The following ARL6IP6 variants were observed in gnomAD, a reference collection of about 807,000 sequenced individuals.
ARL6IP6 encodes ARF like GTPase 6 interacting protein 6, also known as ADP-ribosylation factor-like protein 6-interacting protein 6.
A neutral mutation model predicts 21.5 loss-of-function variants in ARL6IP6; 22 were observed. The ratio of observed to expected loss-of-function variants is 1.02; its 90% CI spans 0.73 to 1.46. The LOEUF (loss-of-function observed/expected upper bound fraction) is 1.46. Ranked by LOEUF, ARL6IP6 falls within the 40% of genes most tolerant of loss-of-function variation. The pLI is 0.00. For synonymous variants in ARL6IP6, 164 were observed against 125.3 expected, an observed-to-expected ratio of 1.31 and a Z score of -2.06; for missense variants, 388 against 299.8, an observed-to-expected ratio of 1.29 and a Z score of -2.17.
chr2:152,740,577 G>A (rs1293845830), intron 3 of ARL6IP6, among the ~76,000 whole-genome samples: 2 of 151,762 alleles, frequency 1.3e-5, no homozygotes, highest in South Asian at 2.1e-4. Context: ...AAATTTAGAT[G>A]TGTATATATA....
chr2:152,729,177 C>G (rs1574025669), intron 2 of ARL6IP6, among the ~76,000 whole-genome samples: 1 of 152,274 alleles, frequency 6.6e-6, no homozygotes, highest in South Asian at 2.1e-4. Flanking sequence ...CAAGACCAGC[C>G]TAGTCAAGAT....
upstream of ARL6IP6, chr2:152,718,007 G>A: frequency 1.0e-6 from 1 of 994,146 alleles, no homozygotes; most frequent in Non-Finnish European, 1.2e-6. Flanking sequence ...TGGAGAGCGC[G>A]CGCCTGGGGA....
At chr2:152,750,230 C>T (rs1701262468) in intron 3 of ARL6IP6, among the ~76,000 whole-genome samples, 1 of 152,098 alleles carries the variant, frequency 6.6e-6, no homozygotes, top group Admixed American at 6.5e-5. Context: ...TGTATCCCAG[C>T]ACTTTGGGAG....
intron 1 of ARL6IP6, 23 bp downstream of exon 1, chr2:152,719,047 A>C: frequency 1.3e-6 from 2 of 1,510,994 alleles, no homozygotes; most frequent in South Asian, 2.6e-5. Context: ...ACGCCTTGAA[A>C]GTCTGTCCAG....
At chr2:152,744,011 A>G (rs142275150) in intron 3 of ARL6IP6, among the ~76,000 whole-genome samples, 1 of 152,268 alleles carries the variant, frequency 6.6e-6, no homozygotes, top group Non-Finnish European at 1.5e-5. Flanking sequence ...TCTTATCCTG[A>G]ATCTTACAAG....
chr2:152,732,962 G>C (rs1018934357), intron 2 of ARL6IP6, among the ~76,000 whole-genome samples: 1 of 150,910 alleles, frequency 6.6e-6, no homozygotes, highest in Non-Finnish European at 1.5e-5. Context: ...GGATAGGAAG[G>C]GCTGACTGTA....
chr2:152,744,431 T>C (rs911677060), intron 3 of ARL6IP6, among the ~76,000 whole-genome samples: 1 of 152,150 alleles, frequency 6.6e-6, no homozygotes, highest in South Asian at 2.1e-4. Flanking sequence ...ATCTTCTCTT[T>C]AGATATATTA....
At chr2:152,725,319 A>G (rs1441882980) in intron 2 of ARL6IP6, among the ~76,000 whole-genome samples, 1 of 152,202 alleles carries the variant, frequency 6.6e-6, no homozygotes, top group Non-Finnish European at 1.5e-5. Context: ...TATGGTCGAA[A>G]GAATAAAATA....
At chr2:152,733,642 C>T (rs559620748) in intron 2 of ARL6IP6, among the ~76,000 whole-genome samples, 2 of 152,150 alleles carry the variant, frequency 1.3e-5, no homozygotes, top group Non-Finnish European at 2.9e-5. Flanking sequence ...TTGGACTAGT[C>T]TCTATTTTTG....
chr2:152,723,063 T>G (rs939191212), intron 2 of ARL6IP6, among the ~76,000 whole-genome samples: 1 of 152,206 alleles, frequency 6.6e-6, no homozygotes, highest in Non-Finnish European at 1.5e-5. Context: ...TTGAGATAAT[T>G]GATAGCTGAA....
At chr2:152,755,462 G>T (rs1173808707) in intron 3 of ARL6IP6, among the ~76,000 whole-genome samples, 1 of 152,160 alleles carries the variant, frequency 6.6e-6, no homozygotes, top group Non-Finnish European at 1.5e-5. Context: ...CCACTTTCAT[G>T]TTCCATCCTG....
chr2:152,752,169 T>C (rs1701365567), intron 3 of ARL6IP6, among the ~76,000 whole-genome samples: 1 of 152,224 alleles, frequency 6.6e-6, no homozygotes, highest in Non-Finnish European at 1.5e-5. Context: ...AAAAATTACA[T>C]ATTCTCTATT....
At chr2:152,735,888 A>G (rs1461979825) in intron 3 of ARL6IP6, among the ~76,000 whole-genome samples, 1 of 152,128 alleles carries the variant, frequency 6.6e-6, no homozygotes, top group Non-Finnish European at 1.5e-5. Context: ...AGATAAAAAC[A>G]TTTACTTGAG....
intron 3 of ARL6IP6, among the ~76,000 whole-genome samples, chr2:152,749,580 C>T (rs1352664462): frequency 6.6e-6 from 1 of 152,146 alleles, no homozygotes; most frequent in Non-Finnish European, 1.5e-5. Flanking sequence ...GTGCCAGACA[C>T]CTGGTATTCA....
At chr2:152,743,992 T>C (rs183782683) in intron 3 of ARL6IP6, among the ~76,000 whole-genome samples, 1 of 152,306 alleles carries the variant, frequency 6.6e-6, no homozygotes, top group Admixed American at 6.5e-5. Flanking sequence ...ACTTCTATGC[T>C]AAGAGATTTC....
At chr2:152,720,810 GC>G (rs1699753711) in intron 2 of ARL6IP6, among the ~76,000 whole-genome samples, 10 of 152,120 alleles carry the variant, frequency 6.6e-5, no homozygotes. Context: ...TTTTAATGGG[GC>G]CAGGTGCAGT....
In ARL6IP6 at chr2:152,720,547, A is replaced by C. The variant is rs1699739327; in HGVS notation, c.415A>C (p.Asn139His). The C allele has an allele frequency of 1.2e-6, 2 of 1,613,980 alleles. No homozygotes were observed. The highest frequency in any genetic ancestry group is 1.7e-5 in the Admixed American group (1 of 60,006). The change falls in exon 2 of 4, where the codon AAT becomes CAT. Residue 139 changes from asparagine (N) to histidine (H), a missense_variant. Asn to His is a moderately conservative substitution (Grantham distance 68). Coordinates refer to ENST00000326446, the MANE Select transcript of ARL6IP6 (RefSeq NM_152522.7). ...YLIVKELHAE[N>H]LKNEDDVDTG... ...TGTATTTGCAGAGTTGCATGCTGAG[A>C]ATTTGAAAAATGAAGATGATGTAGA...
At chr2:152,735,673 T>G (rs1332241296) in intron 3 of ARL6IP6, among the ~76,000 whole-genome samples, 3 of 152,206 alleles carry the variant, frequency 2.0e-5, no homozygotes, top group African/African-American at 7.2e-5. Flanking sequence ...AATTCAGTAG[T>G]GTTCTAACCT....
chr2:152,738,575 C>T (rs1235847692), intron 3 of ARL6IP6, among the ~76,000 whole-genome samples: 1 of 152,240 alleles, frequency 6.6e-6, no homozygotes, highest in African/African-American at 2.4e-5. Context: ...CCCAACACCA[C>T]ATGTAAGCCA....
Sources: allele counts gnomAD v4.1 joint callset (sites outside exome capture counted in the v4.1 genomes callset), GRCh38; gene constraint gnomAD v4.1.1; transcripts MANE v1.5; gene names NCBI Gene and HGNC (gene_info 2026-07-23, HGNC 2026-07-21).